Variants in CPA3 observed in about 807,000 individuals in gnomAD.
CPA3 encodes mast cell carboxypeptidase A.
CPA3 carries 52 observed loss-of-function variants against 55.8 expected under a neutral mutation model. That is an observed-to-expected ratio of 0.93 (90% CI 0.75 to 1.17). The LOEUF (loss-of-function observed/expected upper bound fraction) is 1.17, where lower values mean the gene tolerates loss of function less well. CPA3 is among the 50% of genes most tolerant of loss of function. CPA3 has a pLI of 0.00. For synonymous variants in CPA3, 179 were observed against 171.2 expected, an observed-to-expected ratio of 1.05 and a Z score of -0.36; for missense variants, 547 against 509.1, an observed-to-expected ratio of 1.07 and a Z score of -0.72.
At chr3:148,876,866 T>A (rs1233925025) in intron 3 of CPA3, among the ~76,000 whole-genome samples, 7 of 152,202 alleles carry the variant, frequency 4.6e-5, no homozygotes, top group Non-Finnish European at 1.0e-4. Context: ...TATATGATGA[T>A]GACATTTTTT....
intron 9 of CPA3, among the ~76,000 whole-genome samples, chr3:148,885,443 G>C (rs1360905425): frequency 8.8e-6 from 1 of 113,968 alleles, no homozygotes; most frequent in Non-Finnish European, 1.6e-5. Context: ...ACGGAGTCTC[G>C]CTCTGTCACC....
At position 148,886,172 on chromosome 3, in the gene CPA3, C is replaced by A. The variant is rs539543369; in HGVS notation, c.1061C>A (p.Thr354Lys). Residue 354 changes from threonine (T) to lysine (K), a missense_variant, in exon 10 of 11, where the codon ACA becomes AAA. Transcript: ENST00000296046. Reference protein sequence around the residue: ...TRYIYGPIESTIYPISGSSLD... With the variant: ...TRYIYGPIESKIYPISGSSLD... ...TACATCTATGGCCCAATAGAATCAACAATTTGTAAGTCATTCCTCTTATTT... is the reference window on the plus strand; with the variant it reads ...TACATCTATGGCCCAATAGAATCAAAAATTTGTAAGTCATTCCTCTTATTT... 1.3e-4 allele frequency: 216 copies of A among 1,604,296 alleles called. 3 individuals carry two copies. In the South Asian group the frequency reaches 2.3e-3, roughly 17 times the overall value.
chr3:148,875,397 C>T (rs139599176), intron 3 of CPA3, among the ~76,000 whole-genome samples: 72 of 152,086 alleles, frequency 4.7e-4, no homozygotes, highest in South Asian at 2.1e-4. Flanking sequence ...GAAACATTTC[C>T]ATTATAACGA....
rs187000255 is a variant in CPA3 at position 148,872,644 on chromosome 3, T to G, written c.269+3605T>G. Among the ~76,000 whole-genome samples the G allele has an allele frequency of 2.0e-5, 3 of 152,334 alleles. No homozygotes were observed. In the East Asian group the frequency reaches 5.8e-4, roughly 29 times the overall value. On this transcript the variant is annotated intron_variant, in intron 3 of 10. Transcript: ENST00000296046. ...CAGGGATATACACAGTCCTATCCAG[T>G]GTTTCAATCAAATCATTCTAATGTG...
intron 10 of CPA3, among the ~76,000 whole-genome samples, chr3:148,888,252 T>C (rs1274744257): frequency 2.0e-5 from 3 of 152,244 alleles, no homozygotes; most frequent in African/African-American, 4.8e-5. Context: ...AATCAACATA[T>C]ACAGTTTCTA....
intron 10 of CPA3, among the ~76,000 whole-genome samples, chr3:148,887,794 A>T (rs1455965754): frequency 6.6e-6 from 1 of 152,220 alleles, no homozygotes; most frequent in African/African-American, 2.4e-5. Context: ...TATGCTTCAG[A>T]TTTCCTCTTA....
Position 148,878,520 on chromosome 3 carries a change from G to A in CPA3, c.349G>A (p.Ala117Thr), listed in dbSNP as rs754441144. The A allele has an allele frequency of 1.7e-5, 28 of 1,612,700 alleles. No individual in the cohort carries two copies. Among genetic ancestry groups the A allele is most frequent in the African/African-American group, 9.3e-5 (7 of 74,990 alleles). ...KEDIPGRHSY[A>T]KYNNWEKIVA... ...AGATATCCCAGGCAGGCACAGCTAC[G>A]CAAAATACAATAATTGGGAAAAGGT... is the stretch of plus-strand genomic sequence containing the variant. The change falls in exon 4 of 11, where the codon GCA becomes ACA. Residue 117 changes from alanine (A) to threonine (T), a missense_variant. Ala to Thr is a moderately conservative substitution (Grantham distance 58). Transcript: ENST00000296046.
chr3:148,895,283 G>A (rs1714798427), intron 10 of CPA3, among the ~76,000 whole-genome samples: 1 of 152,058 alleles, frequency 6.6e-6, no homozygotes, highest in Non-Finnish European at 1.5e-5. Context: ...GTAGTTCACT[G>A]GCTAGAATTC....
chr3:148,874,978 C>G (rs113690336), intron 3 of CPA3, among the ~76,000 whole-genome samples: 41 of 152,264 alleles, frequency 2.7e-4, no homozygotes, highest in African/African-American at 9.6e-4. Flanking sequence ...TCATTTCATC[C>G]TCACCACAAG....
intron 3 of CPA3, among the ~76,000 whole-genome samples, chr3:148,872,550 AT>A (rs1714095524): frequency 6.6e-6 from 1 of 152,248 alleles, no homozygotes; most frequent in Admixed American, 6.5e-5. Context: ...TGACACAGTG[AT>A]AATCAACACC....
intron 3 of CPA3, among the ~76,000 whole-genome samples, chr3:148,869,723 TG>T (rs1714007996): frequency 6.6e-6 from 1 of 152,156 alleles, no homozygotes; most frequent in Non-Finnish European, 1.5e-5. Flanking sequence ...CCATGGGCCA[TG>T]CCCAGTCTGG....
At chr3:148,870,250 TA>T (rs1185802012) in intron 3 of CPA3, among the ~76,000 whole-genome samples, 8 of 151,960 alleles carry the variant, frequency 5.3e-5, no homozygotes, top group African/African-American at 1.9e-4. Context: ...TGCTAAACAC[TA>T]GTTCATTTTT....
chr3:148,888,576 T>A (rs1005877974), intron 10 of CPA3, among the ~76,000 whole-genome samples: 1 of 152,234 alleles, frequency 6.6e-6, no homozygotes, highest in African/African-American at 2.4e-5. Context: ...AAGATCAGTT[T>A]AAAATGGCAG....
intron 3 of CPA3, among the ~76,000 whole-genome samples, chr3:148,876,381 A>AT (rs879657368): frequency 0.011 from 1,567 of 144,234 alleles, 27 homozygotes; most frequent in African/African-American, 0.032. Flanking sequence ...CTGATAAGAC[A>AT]TTTTTTTTTT....
At chr3:148,879,688 G>A in intron 5 of CPA3, 100 bp from the exon 6 acceptor site, 2 of 772,236 alleles carry the variant, frequency 2.6e-6, no homozygotes, top group Non-Finnish European at 4.5e-6. Context: ...ACAATAGACA[G>A]GGGAAATAAT....
chr3:148,883,478 G>A, intron 8 of CPA3, 135 bp from the exon 9 acceptor site: 1 of 660,254 alleles, frequency 1.5e-6, no homozygotes, highest in African/African-American at 1.8e-5. Flanking sequence ...TGATACAAGA[G>A]ACATTGAAGC....
At chr3:148,877,309 A>G (rs1197198118) in intron 3 of CPA3, among the ~76,000 whole-genome samples, 1 of 152,234 alleles carries the variant, frequency 6.6e-6, no homozygotes, top group African/African-American at 2.4e-5. Flanking sequence ...CAGCCTGATC[A>G]ACATGGAGAA....
At chr3:148,889,450 T>A (rs1332441225) in intron 10 of CPA3, among the ~76,000 whole-genome samples, 1 of 152,110 alleles carries the variant, frequency 6.6e-6, no homozygotes, top group Non-Finnish European at 1.5e-5. Context: ...AAAAAATATA[T>A]ATATGTTTGC....
chr3:148,886,060 T>G lies in CPA3; in HGVS notation c.982-33T>G, dbSNP rs532080371. On this transcript the variant is annotated intron_variant, in intron 9 of 10. Transcript: ENST00000296046. ...ATTCCTTGGTATTTACACAGTATCCTATTATTTCACTCTAACTTTCCTTTC... is the reference window on the plus strand; with the variant it reads ...ATTCCTTGGTATTTACACAGTATCCGATTATTTCACTCTAACTTTCCTTTC... 4 of 1,433,530 alleles carry G rather than the reference T, an allele frequency of 2.8e-6. No individual in the cohort carries two copies. The South Asian group carries it at 4.6e-5, about 17-fold the overall frequency. The allele number at this position is 1,433,530 out of a possible 1,614,324, so 88.8% of individuals were successfully genotyped here.
Sources: gnomAD v4.1 joint callset for allele counts (sites outside exome capture counted in the v4.1 genomes callset) on GRCh38, gnomAD v4.1.1 for gene constraint, MANE v1.5 for transcripts, NCBI Gene and HGNC (gene_info 2026-07-23, HGNC 2026-07-21) for gene names.